Variants in UCHL3 observed in about 807,000 individuals in gnomAD.
UCHL3 encodes the protein ubiquitin carboxyl-terminal hydrolase isozyme L3.
A neutral mutation model predicts 35.8 loss-of-function variants in UCHL3; 22 were observed. That is an observed-to-expected ratio of 0.61 (90% CI 0.44 to 0.88). UCHL3 has a LOEUF of 0.88. UCHL3 is among the 40% of genes least tolerant of loss of function. The probability of loss-of-function intolerance (pLI) is 0.00; values close to 1 mark genes in which losing one functional copy is unlikely to be tolerated. For synonymous variants in UCHL3, 90 were observed against 92.8 expected (o/e 0.97, Z 0.17); for missense variants, 229 against 276.9 (o/e 0.83, Z 1.23).
intron 7 of UCHL3, among the ~76,000 whole-genome samples, chr13:75,599,134 ATTTTTT>A (rs35853503): frequency 7.8e-6 from 1 of 127,956 alleles, no homozygotes; most frequent in Non-Finnish European, 1.6e-5. Flanking sequence ...ATGCCTGGCT[ATTTTTT>A]TTTTTTTTTT....
intron 2 of UCHL3, among the ~76,000 whole-genome samples, chr13:75,558,092 A>T (rs1251587477): frequency 2.6e-5 from 4 of 152,198 alleles, no homozygotes; most frequent in South Asian, 4.1e-4. Context: ...AGCCTGACTC[A>T]TGGCAATCTG....
At chr13:75,567,381 G>T (rs889562700) in intron 5 of UCHL3, 69 bp downstream of exon 5, 10 of 1,378,654 alleles carry the variant, frequency 7.3e-6, no homozygotes, top group Non-Finnish European at 1.0e-5. Context: ...GTGTTTGGGG[G>T]TTTTGTCTTG....
At chr13:75,588,043 C>T (rs1223969682) in intron 6 of UCHL3, among the ~76,000 whole-genome samples, 1 of 152,002 alleles carries the variant, frequency 6.6e-6, no homozygotes, top group African/African-American at 2.4e-5. Flanking sequence ...TTTTCTCTGA[C>T]CCAGGCATCT....
intron 7 of UCHL3, among the ~76,000 whole-genome samples, chr13:75,597,049 A>G (rs1238667156): frequency 1.3e-5 from 2 of 152,244 alleles, no homozygotes; most frequent in African/African-American, 4.8e-5. Flanking sequence ...ATAATCTTTG[A>G]GATGTCAGAG....
In UCHL3 at chr13:75,563,772, T is replaced by A. The variant is rs957028122; in HGVS notation, c.183+2891T>A. Among the ~76,000 whole-genome samples the A allele has an allele frequency of 3.3e-5, 5 of 152,358 alleles. No individual in the cohort carries two copies. In the South Asian group the frequency reaches 1.0e-3, roughly 32 times the overall value. On this transcript the variant is annotated intron_variant, in intron 3 of 8. Transcript: ENST00000377595. Reference sequence around the variant, plus strand: ...ATCCCTGCTAACCTCTGTTTCGTTCTCTGTGTATTTGAGCTTTTCCATGTA... The same window carrying A: ...ATCCCTGCTAACCTCTGTTTCGTTCACTGTGTATTTGAGCTTTTCCATGTA...
In UCHL3 at chr13:75,592,415, CATATATATATATATATAT is replaced by C. The variant is rs546657200; in HGVS notation, c.475-2465_475-2448del. ...TAAAGTGGAATTTTAATTTTTCCTT[CATATATATATATATATAT>C]ATATATATATATATATATATATATA... On this transcript the variant is annotated intron_variant, in intron 6 of 8. Transcript: ENST00000377595. Among the ~76,000 whole-genome samples the C allele has an allele frequency of 3.1e-3, 128 of 40,644 alleles. 1 individual carries two copies. Among genetic ancestry groups the C allele is most frequent in the Admixed American group, 9.4e-3 (27 of 2,860 alleles). The allele number at this position is 40,644 out of a possible 152,430, so 26.7% of individuals were successfully genotyped here. A position where few individuals can be genotyped will look rare whatever the true frequency, so the allele number is the denominator to read the frequency against.
chr13:75,584,237 C>T (rs908428682), intron 6 of UCHL3, among the ~76,000 whole-genome samples: 1 of 152,072 alleles, frequency 6.6e-6, no homozygotes, highest in Non-Finnish European at 1.5e-5. Flanking sequence ...CCTCCACAAG[C>T]CCACCATTAG....
At chr13:75,604,997 TAA>T (rs2138597941) in intron 8 of UCHL3, 170 bp downstream of exon 8, 3 of 474,986 alleles carry the variant, frequency 6.3e-6, no homozygotes, top group Non-Finnish European at 1.0e-5. Flanking sequence ...CTACAACAAA[TAA>T]AGAGGTTTTC....
chr13:75,556,526 A>G (rs2031297587), intron 2 of UCHL3, among the ~76,000 whole-genome samples: 1 of 152,264 alleles, frequency 6.6e-6, no homozygotes, highest in Non-Finnish European at 1.5e-5. Context: ...TGGCTTTAAG[A>G]ACAAATTTGA....
At position 75,605,757 on chromosome 13, in the gene UCHL3, T is replaced by G. The variant is rs2032926472; in HGVS notation, c.638T>G (p.Met213Arg). Residue 213 changes from methionine to arginine, a missense_variant, in exon 9 of 9, where the codon ATG becomes AGG. Physicochemically the swap from Met to Arg is moderately conservative, Grantham distance 91 (BLOSUM62 -1). Transcript: ENST00000377595. ...EDAIEVCKKF[M>R]ERDPDELRFN... is the part of the protein sequence containing the mutation. ...GCCATAGAAGTTTGCAAGAAGTTTA[T>G]GGAGCGCGACCCTGATGAACTAAGA... is the stretch of plus-strand genomic sequence containing the variant. The G allele has an allele frequency of 6.2e-7, 1 of 1,613,976 alleles. No homozygotes were observed. The highest frequency in any genetic ancestry group is 8.5e-7 in the Non-Finnish European group (1 of 1,180,010).
chr13:75,567,553 T>G (rs1172826504), intron 5 of UCHL3, among the ~76,000 whole-genome samples: 2 of 116,216 alleles, frequency 1.7e-5, no homozygotes, highest in African/African-American at 2.6e-5. Flanking sequence ...ATTTACAAAT[T>G]TTTTTTTTTT....
intron 6 of UCHL3, among the ~76,000 whole-genome samples, chr13:75,573,518 G>T (rs149425413): frequency 6.6e-6 from 1 of 152,198 alleles, no homozygotes; most frequent in African/African-American, 2.4e-5. Context: ...GTGTCAGCAG[G>T]GTTGGCTTCT....
intron 2 of UCHL3, among the ~76,000 whole-genome samples, chr13:75,559,475 C>T (rs556110092): frequency 1.3e-5 from 2 of 152,162 alleles, no homozygotes; most frequent in East Asian, 1.9e-4. Flanking sequence ...TATTTTTGAC[C>T]AATGATATCA....
chr13:75,581,673 G>T (rs2032191381), intron 6 of UCHL3, among the ~76,000 whole-genome samples: 1 of 149,926 alleles, frequency 6.7e-6, no homozygotes, highest in South Asian at 2.1e-4. Context: ...TTCTTCTTAG[G>T]CAGACCCTCT....
At chr13:75,578,006 T>C (rs2032075308) in intron 6 of UCHL3, among the ~76,000 whole-genome samples, 1 of 152,174 alleles carries the variant, frequency 6.6e-6, no homozygotes, top group African/African-American at 2.4e-5. Flanking sequence ...ATAACAGCAG[T>C]ATTGTTTTCT....
chr13:75,561,563 CTTCTT>C (rs1212416259), intron 3 of UCHL3, among the ~76,000 whole-genome samples: 1 of 151,084 alleles, frequency 6.6e-6, no homozygotes, highest in Non-Finnish European at 1.5e-5. Context: ...TATAAGGAAT[CTTCTT>C]TGCTTATTTT....
chr13:75,590,022 T>G (rs1566226510), intron 6 of UCHL3: 1 of 1,304,792 alleles, frequency 7.7e-7, no homozygotes, highest in African/African-American at 1.5e-5. Context: ...ATCCCTGCCC[T>G]GGGTCAAACG....
At position 75,587,333 on chromosome 13, in the gene UCHL3, A is replaced by C. The variant is rs547482580; in HGVS notation, c.475-7582A>C. 4.9e-4 allele frequency among the ~76,000 whole-genome samples: 75 copies of C among 152,230 alleles called. 4 individuals are homozygous for C. The South Asian group carries it at 0.015, about 30-fold the overall frequency. On this transcript the variant is annotated intron_variant, in intron 6 of 8. Coordinates refer to ENST00000377595, the MANE Select transcript of UCHL3 (RefSeq NM_006002.5). ...AGATACTAAGGAGACATGATGAATA[A>C]ATTTAATATCTGTGCTTAGATTAGA...
chr13:75,588,640 A>G (rs979691242), intron 6 of UCHL3, among the ~76,000 whole-genome samples: 1 of 152,182 alleles, frequency 6.6e-6, no homozygotes, highest in African/African-American at 2.4e-5. Flanking sequence ...AGTATATTGT[A>G]TATTTAGATT....
Sources: allele counts gnomAD v4.1 joint callset (sites outside exome capture counted in the v4.1 genomes callset), GRCh38; gene constraint gnomAD v4.1.1; transcripts MANE v1.5; gene names NCBI Gene and HGNC (gene_info 2026-07-23, HGNC 2026-07-21).